AGRN: variants seen among roughly 807,000 people sequenced by gnomAD.
The protein encoded by AGRN is agrin proteoglycan.
Under a neutral mutation model 211.0 loss-of-function variants are expected in AGRN, and 106 were observed. That is an observed-to-expected ratio of 0.50 (90% CI 0.43 to 0.59). The LOEUF is 0.59. Among genes scored for constraint, AGRN ranks in the 20% least tolerant of loss-of-function variants. The probability of loss-of-function intolerance (pLI) is 0.00; values close to 1 mark genes in which losing one functional copy is unlikely to be tolerated. For missense variants in AGRN, 3,040 were observed against 2,982.6 expected (o/e 1.02, Z -0.45); for synonymous variants, 1,525 against 1,332.5 (o/e 1.14, Z -3.15).
At chr1:1,050,655 G>T (rs1165957586) in intron 29 of AGRN, 64 bp downstream of exon 29, 7 of 1,603,650 alleles carry the variant, frequency 4.4e-6, no homozygotes, top group Non-Finnish European at 5.9e-6. Context: ...GCACCAGCAG[G>T]TCGCTCAGGC....
In AGRN at chr1:1,050,080, T is replaced by TC. The variant is rs1557719099; in HGVS notation, c.4879+43_4879+44insC. 4 of 1,497,114 alleles carry TC rather than the reference T, an allele frequency of 2.7e-6. No homozygotes were observed. In the African/African-American group the frequency reaches 4.6e-5, roughly 17 times the overall value. 92.7% of individuals were successfully genotyped at this position (1,497,114 alleles called of 1,614,324 possible). A position where few individuals can be genotyped will look rare whatever the true frequency, so the allele number is the denominator to read the frequency against. ...CTCGGGGCAGGGGGGGGGGGGGGGT[T>TC]GAACGTTTGGGCGGGTACAGGTTCC... On this transcript the variant is annotated intron_variant, in intron 27 of 35. Coordinates refer to ENST00000379370, the MANE Select transcript of AGRN (RefSeq NM_198576.4).
chr1:1,042,606 G>A (rs374467828), intron 7 of AGRN, among the ~76,000 whole-genome samples: 7 of 152,140 alleles, frequency 4.6e-5, no homozygotes, highest in Non-Finnish European at 1.0e-4. Flanking sequence ...TGGTCAGTTC[G>A]CCCATCTTCT....
Position 1,041,497 on chromosome 1 carries a change from C to G in AGRN, c.972C>G (p.Leu324=), listed in dbSNP as rs199659613. The G allele has an allele frequency of 7.0e-5, 111 of 1,597,090 alleles. No homozygotes were observed. Among genetic ancestry groups the G allele is most frequent in the Non-Finnish European group, 1.2e-5 (14 of 1,177,870 alleles). The part of the protein sequence containing the change: ...DGPCDPCQGA[L]PDPSRSCRVN... Reference sequence around the variant, plus strand: ...CCCCAGACCCCTGTCAGGGCGCCCTCCCTGACCCGAGCCGCAGCTGCCGTG... The same window carrying G: ...CCCCAGACCCCTGTCAGGGCGCCCTGCCTGACCCGAGCCGCAGCTGCCGTG... The change falls in exon 6 of 36, where the codon CTC becomes CTG. Residue 324 remains leucine (L), a synonymous_variant. Coordinates refer to ENST00000379370, the MANE Select transcript of AGRN (RefSeq NM_198576.4).
rs1328682191 is a variant in AGRN at position 1,046,886 on chromosome 1, A to C, written c.3317A>C (p.Tyr1106Ser). Residue 1106 changes from tyrosine (Y) to serine (S), a missense_variant, in exon 19 of 36, where the codon TAC becomes TCC. Transcript: ENST00000379370. ...CCACCTGTCGAGAGGGCTTCCTGCT[A>C]CAACTCCGCGTTGGGCTGCTGCTCT... ...PGPPVERASC[Y>S]NSALGCCSDG... is the part of the protein sequence containing the mutation. The C allele has an allele frequency of 6.3e-7, 1 of 1,585,870 alleles. No homozygotes were observed. The highest frequency in any genetic ancestry group is 1.3e-5 in the African/African-American group (1 of 74,752).
Position 1,041,300 on chromosome 1 carries a change from C to T in AGRN, c.855C>T (p.Cys285=), listed in dbSNP as rs1398061070. The change falls in exon 5 of 36, where the codon TGC becomes TGT. Residue 285 remains cysteine, a synonymous_variant. Coordinates refer to ENST00000379370, the MANE Select transcript of AGRN (RefSeq NM_198576.4). ...GTGGCGCCCCCGAGGGGACCGTCTG[C>T]GGCAGCGACGGCGCCGACTACCCCG... ...TCRGAPEGTV[C]GSDGADYPGE... 9.9e-6 allele frequency: 15 copies of T among 1,517,856 alleles called. No homozygotes were observed. The highest frequency in any genetic ancestry group is 2.0e-5 in the Admixed American group (1 of 49,226). 94.0% of individuals were successfully genotyped at this position (1,517,856 alleles called of 1,614,324 possible). A position where few individuals can be genotyped will look rare whatever the true frequency, so the allele number is the denominator to read the frequency against.
chr1:1,030,647 A>ATG (rs765776667), intron 2 of AGRN, among the ~76,000 whole-genome samples: 1 of 7,182 alleles, frequency 1.4e-4, no homozygotes, highest in African/African-American at 3.1e-4. Flanking sequence ...TGAGATCAGC[A>ATG]TGTGTGTGTG....
chr1:1,028,453 C>T (rs941286679), intron 2 of AGRN, among the ~76,000 whole-genome samples: 1 of 152,006 alleles, frequency 6.6e-6, no homozygotes, highest in Non-Finnish European at 1.5e-5. Context: ...CGTCTGCATT[C>T]GAGCCTGTGT....
chr1:1,034,462 C>T (rs1398757225), intron 2 of AGRN: 2 of 985,538 alleles, frequency 2.0e-6, no homozygotes, highest in East Asian at 2.3e-4. Flanking sequence ...CCAGGGGTCC[C>T]AGGATGGGGC....
At chr1:1,027,852 C>G (rs978711796) in intron 2 of AGRN, among the ~76,000 whole-genome samples, 31 of 152,132 alleles carry the variant, frequency 2.0e-4, no homozygotes, top group Non-Finnish European at 1.9e-4. Flanking sequence ...GCCACCTTGG[C>G]CACCCTCACA....
chr1:1,054,648 G>GCATGTGAGCCGGCGGGCTGGGCTCTCTT, intron 35 of AGRN, 97 bp downstream of exon 35: 25 of 1,496,162 alleles, frequency 1.7e-5, no homozygotes, highest in Non-Finnish European at 2.2e-5. Flanking sequence ...GAGTCAGGGT[G>GCATGTGAGCCGGCGGGCTGGGCTCTCTT]CATGTGAGCC....
At chr1:1,020,890 A>C (rs1570127060) in intron 1 of AGRN, among the ~76,000 whole-genome samples, 8 of 137,906 alleles carry the variant, frequency 5.8e-5, no homozygotes, top group South Asian at 4.7e-4. Context: ...CGGGGCCGTC[A>C]CCGGGCCTCG....
intron 1 of AGRN, among the ~76,000 whole-genome samples, chr1:1,021,363 T>C (rs1209040777): frequency 6.6e-6 from 1 of 152,166 alleles, no homozygotes; most frequent in East Asian, 1.9e-4. Context: ...GAGCCTACTG[T>C]TGGGGGGCGT....
intron 4 of AGRN, 58 bp from the exon 5 acceptor site, chr1:1,041,114 GA>G (rs1557700131): frequency 9.1e-7 from 1 of 1,100,508 alleles, no homozygotes; most frequent in South Asian, 2.4e-5. Context: ...AGCGGGGCGG[GA>G]GCGGGGCGGG....
intron 19 of AGRN, 177 bp downstream of exon 19, chr1:1,047,134 G>A (rs1363901649): frequency 3.4e-5 from 46 of 1,348,134 alleles, no homozygotes; most frequent in East Asian, 7.6e-5. Flanking sequence ...GCAAGCCGGT[G>A]TGGCACACTG....
intron 7 of AGRN, 38 bp from the exon 8 acceptor site, chr1:1,043,201 G>A: frequency 6.4e-7 from 1 of 1,556,062 alleles, no homozygotes; most frequent in Non-Finnish European, 8.7e-7. Context: ...AGCGGAGGGG[G>A]GGCTTGTGGG....
At chr1:1,038,134 C>G (rs1644845139) in intron 3 of AGRN, among the ~76,000 whole-genome samples, 1 of 152,188 alleles carries the variant, frequency 6.6e-6, no homozygotes, top group East Asian at 1.9e-4. Flanking sequence ...AAACCCTGGG[C>G]TGGCCGGCAG....
chr1:1,034,349 T>G, intron 2 of AGRN: 1 of 985,472 alleles, frequency 1.0e-6, no homozygotes, highest in South Asian at 4.7e-5. Flanking sequence ...CCGGGAGAAT[T>G]CTGCCCTCCT....
At chr1:1,054,632 A>G in intron 35 of AGRN, 81 bp downstream of exon 35, 1 of 1,517,746 alleles carries the variant, frequency 6.6e-7, no homozygotes, top group Non-Finnish European at 8.9e-7. Context: ...CCCAGCGCCC[A>G]CCCTTGAGTC....
At chr1:1,036,585 T>G (rs116627277) in intron 3 of AGRN, among the ~76,000 whole-genome samples, 2 of 152,004 alleles carry the variant, frequency 1.3e-5, no homozygotes, top group Non-Finnish European at 2.9e-5. Flanking sequence ...GGGGCAGCGC[T>G]GGGCCTGGGG....
Sources: gnomAD v4.1 joint callset for allele counts (sites outside exome capture counted in the v4.1 genomes callset) on GRCh38, gnomAD v4.1.1 for gene constraint, MANE v1.5 for transcripts, NCBI Gene and HGNC (gene_info 2026-07-23, HGNC 2026-07-21) for gene names.